The following FOXP2 variants were observed in gnomAD, a reference collection of about 807,000 sequenced individuals.
FOXP2 encodes the protein forkhead box protein P2.
Under a neutral mutation model 115.8 loss-of-function variants are expected in FOXP2, and 12 were observed. The observed-to-expected ratio is 0.10, with a 90% CI of 0.07 to 0.17. The LOEUF is 0.17. Among genes scored for constraint, FOXP2 ranks in the 10% least tolerant of loss-of-function variants. FOXP2 has a pLI of 1.00. For missense variants in FOXP2, 629 were observed against 843.5 expected, an observed-to-expected ratio of 0.75 and a Z score of 3.15; for synonymous variants, 328 against 297.7, an observed-to-expected ratio of 1.10 and a Z score of -1.05.
At chr7:114,326,638 G>C (rs1016375278) in intron 2 of FOXP2, among the ~76,000 whole-genome samples, 1 of 152,038 alleles carries the variant, frequency 6.6e-6, no homozygotes, top group Non-Finnish European at 1.5e-5. Flanking sequence ...CCAAAGTAAA[G>C]ATTAGCATAT....
chr7:114,316,802 A>G (rs1209137026), intron 2 of FOXP2, among the ~76,000 whole-genome samples: 1 of 152,170 alleles, frequency 6.6e-6, no homozygotes, highest in African/African-American at 2.4e-5. Context: ...TAAGCCCATG[A>G]TACCCAAAAT....
intron 11 of FOXP2, among the ~76,000 whole-genome samples, chr7:114,658,893 AGAGCCCC>A (rs2129340665): frequency 6.6e-6 from 1 of 152,320 alleles, no homozygotes; most frequent in African/African-American, 2.4e-5. Flanking sequence ...TTATTAGCCC[AGAGCCCC>A]CTCTTTACAA....
rs751392695 is a variant in FOXP2, at chr7:114,692,724, T to C, written c.*2798T>C. ...TTTAAATGGCTCATGTATTCTTGCT[T>C]CTATCATAAGCTGATTATGGGGACT... is the stretch of plus-strand genomic sequence containing the variant. On this transcript the variant is annotated 3_prime_UTR_variant, in exon 17 of 17. Transcript: ENST00000350908. 2.9e-5 allele frequency: 13 copies of C among 446,150 alleles called. 1 individual carries two copies. Among genetic ancestry groups the C allele is most frequent in the South Asian group, 2.1e-4 (13 of 62,312 alleles). The allele number at this position is 446,150 out of a possible 1,614,324, so 27.6% of individuals were successfully genotyped here. A position where few individuals can be genotyped will look rare whatever the true frequency, so the allele number is the denominator to read the frequency against.
chr7:114,207,561 A>G (rs1314380414), intron 1 of FOXP2, among the ~76,000 whole-genome samples: 1 of 152,226 alleles, frequency 6.6e-6, no homozygotes, highest in Non-Finnish European at 1.5e-5. Flanking sequence ...AATATTCACA[A>G]TAATTTAGTA....
At chr7:114,602,134 A>AT (rs1247433535) in intron 3 of FOXP2, among the ~76,000 whole-genome samples, 2 of 151,862 alleles carry the variant, frequency 1.3e-5, no homozygotes, top group African/African-American at 4.8e-5. Context: ...CAGTTGTGTA[A>AT]TTTTTTCCTT....
chr7:114,372,610 T>C (rs1308851462), intron 2 of FOXP2, among the ~76,000 whole-genome samples: 1 of 152,228 alleles, frequency 6.6e-6, no homozygotes, highest in Non-Finnish European at 1.5e-5. Flanking sequence ...TCTGAGAAGA[T>C]AAGTGCTCAA....
chr7:114,348,735 G>A (rs2129185341), intron 2 of FOXP2, among the ~76,000 whole-genome samples: 1 of 152,182 alleles, frequency 6.6e-6, no homozygotes, highest in South Asian at 2.1e-4. Flanking sequence ...ATTCTATAAA[G>A]TATGCTTAGG....
chr7:114,154,391 A>T (rs1347343742), intron 1 of FOXP2, among the ~76,000 whole-genome samples: 1 of 152,056 alleles, frequency 6.6e-6, no homozygotes, highest in Non-Finnish European at 1.5e-5. Flanking sequence ...CCACATCATA[A>T]ACAAGCTAAT....
chr7:114,381,613 C>G (rs1283818681), intron 2 of FOXP2, among the ~76,000 whole-genome samples: 2 of 152,208 alleles, frequency 1.3e-5, no homozygotes, highest in Non-Finnish European at 2.9e-5. Flanking sequence ...CTGTAAACCA[C>G]TCTGCTTCCT....
chr7:114,590,732 C>T (rs146549884), intron 3 of FOXP2, among the ~76,000 whole-genome samples: 82 of 151,984 alleles, frequency 5.4e-4, no homozygotes, highest in Middle Eastern at 3.4e-3. Flanking sequence ...AGTTGGGCAG[C>T]GGGGAAGATG....
chr7:114,150,714 T>C (rs1394623422), intron 1 of FOXP2, among the ~76,000 whole-genome samples: 1 of 152,082 alleles, frequency 6.6e-6, no homozygotes, highest in Non-Finnish European at 1.5e-5. Context: ...TCAAAACTTC[T>C]TAAAATTGCA....
intron 2 of FOXP2, among the ~76,000 whole-genome samples, chr7:114,442,311 G>T (rs1794639199): frequency 6.6e-6 from 1 of 151,400 alleles, no homozygotes. Context: ...TGGGGCCGGA[G>T]GTAAGAAGGA....
intron 6 of FOXP2, among the ~76,000 whole-genome samples, chr7:114,638,953 G>A (rs372442405): frequency 1.3e-5 from 2 of 152,040 alleles, no homozygotes; most frequent in Non-Finnish European, 2.9e-5. Context: ...TTTATTGAGG[G>A]CCTACTAACT....
chr7:114,374,800 T>C (rs1217409873), intron 2 of FOXP2, among the ~76,000 whole-genome samples: 1 of 152,190 alleles, frequency 6.6e-6, no homozygotes, highest in African/African-American at 2.4e-5. Context: ...AAATAGCTTT[T>C]GAATGAATAA....
chr7:114,164,046 T>C (rs2129151244), intron 1 of FOXP2, among the ~76,000 whole-genome samples: 1 of 152,320 alleles, frequency 6.6e-6, no homozygotes, highest in East Asian at 1.9e-4. Flanking sequence ...GACAAGGTTT[T>C]CAATGCAATA....
At chr7:114,177,001 C>T (rs139962880) in intron 1 of FOXP2, among the ~76,000 whole-genome samples, 2 of 152,234 alleles carry the variant, frequency 1.3e-5, no homozygotes, top group East Asian at 1.9e-4. Context: ...GCTGTATGAA[C>T]TTCCTCCCTG....
chr7:114,461,349 A>G (rs997849676), intron 2 of FOXP2, among the ~76,000 whole-genome samples: 5 of 152,074 alleles, frequency 3.3e-5, no homozygotes, highest in Non-Finnish European at 7.4e-5. Flanking sequence ...TTTGTGAACT[A>G]TTATACTTTT....
chr7:114,097,083 A>C (rs1354251274), intron 1 of FOXP2, among the ~76,000 whole-genome samples: 1 of 152,218 alleles, frequency 6.6e-6, no homozygotes, highest in African/African-American at 2.4e-5. Context: ...CACAAGCCAT[A>C]TTTTAATTAC....
chr7:114,455,339 C>T (rs1055191375), intron 2 of FOXP2, among the ~76,000 whole-genome samples: 1 of 152,182 alleles, frequency 6.6e-6, no homozygotes, highest in Non-Finnish European at 1.5e-5. Context: ...AAGTCTTTTT[C>T]CTAACCATAT....
Sources: gnomAD v4.1 joint callset for allele counts (sites outside exome capture counted in the v4.1 genomes callset) on GRCh38, gnomAD v4.1.1 for gene constraint, MANE v1.5 for transcripts, NCBI Gene and HGNC (gene_info 2026-07-23, HGNC 2026-07-21) for gene names.